The following CACNA1S variants were observed in gnomAD, a reference collection of about 807,000 sequenced individuals.
CACNA1S encodes voltage-dependent L-type calcium channel subunit alpha-1S.
CACNA1S carries 126 observed loss-of-function variants against 207.4 expected under a neutral mutation model. That is an observed-to-expected ratio of 0.61 (90% CI 0.53 to 0.70). CACNA1S has a LOEUF of 0.70. Ranked by LOEUF, CACNA1S falls within the 30% of genes least tolerant of loss-of-function variation. The pLI, the probability that CACNA1S is intolerant of heterozygous loss-of-function variation, is 0.00. For missense variants in CACNA1S, 2,349 were observed against 2,422.8 expected (o/e 0.97, Z 0.64); for synonymous variants, 960 against 932.7 (o/e 1.03, Z -0.53).
At chr1:201,075,720 G>T in intron 12 of CACNA1S, 105 bp from the exon 13 acceptor site, 1 of 1,285,112 alleles carries the variant, frequency 7.8e-7, no homozygotes, top group South Asian at 1.3e-5. Flanking sequence ...GGTTCTCTCA[G>T]ACCTTCCCTC....
At position 201,052,545 on chromosome 1, in the gene CACNA1S, G is replaced by A; in HGVS notation, c.3953+12C>T. Reference sequence around the variant, plus strand: ...CAGCGGGGTAGGGGTGGGGGTGGCGGGAGACGCGTGCCTGAAGAGCAGTAG... The same window carrying A: ...CAGCGGGGTAGGGGTGGGGGTGGCGAGAGACGCGTGCCTGAAGAGCAGTAG... On this transcript the variant is annotated intron_variant, in intron 32 of 43. Coordinates refer to ENST00000362061, the MANE Select transcript of CACNA1S (RefSeq NM_000069.3). The A allele has an allele frequency of 6.2e-7, 1 of 1,605,956 alleles. No individual in the cohort carries two copies. The highest frequency in any genetic ancestry group is 8.5e-7 in the Non-Finnish European group (1 of 1,172,702).
Position 201,047,603 on chromosome 1 carries a change from C to T in CACNA1S, c.4465G>A (p.Glu1489Lys). Reference sequence around the variant, plus strand: ...ATCTTCTTGATGATGGCCCTCAGCTCCTCGTTGGCCTGCTCAAAGTTACCT... The same window carrying T: ...ATCTTCTTGATGATGGCCCTCAGCTTCTCGTTGGCCTGCTCAAAGTTACCT... ...TEGNFEQANE[E>K]LRAIIKKIWK... Residue 1489 changes from glutamate (E) to lysine (K), a missense_variant, in exon 37 of 44, where the codon GAG (glutamate) becomes AAG (lysine). Transcript: ENST00000362061. The T allele has an allele frequency of 1.9e-6, 3 of 1,614,146 alleles. No homozygotes were observed. In the East Asian group the frequency reaches 6.7e-5, roughly 36 times the overall value.
rs1660135750 is a variant in CACNA1S, at chr1:201,040,662, C to T, written c.5186G>A (p.Arg1729Lys). Residue 1729 changes from arginine (R) to lysine (K), a missense_variant, in exon 42 of 44, where the codon AGG (arginine) becomes AAG (lysine). Coordinates refer to ENST00000362061, the MANE Select transcript of CACNA1S (RefSeq NM_000069.3). ...VEMLKGLLTQ[R>K]AMPRGQAPPA... ...AGGTGCCTGGCCTCTGGGCATTGCC[C>T]TCTGGGTCAGCAGTCCCTTCAGCAT... The T allele has an allele frequency of 6.2e-7, 1 of 1,613,968 alleles. No homozygotes were observed. The highest frequency in any genetic ancestry group is 8.5e-7 in the Non-Finnish European group (1 of 1,180,022).
At chr1:201,077,238 G>A (rs1661663132) in intron 11 of CACNA1S, 111 bp from the exon 12 acceptor site, 3 of 916,396 alleles carry the variant, frequency 3.3e-6, no homozygotes, top group Admixed American at 4.0e-5. Context: ...ACAGAGGGAG[G>A]GGGCTGCCTC....
intron 4 of CACNA1S, 75 bp downstream of exon 4, chr1:201,091,897 A>G (rs1662246908): frequency 1.2e-6 from 2 of 1,607,274 alleles, no homozygotes; most frequent in South Asian, 2.2e-5. Flanking sequence ...CAAGGTAGGA[A>G]GGGGACCCAG....
chr1:201,097,570 C>T (rs1662482640), intron 2 of CACNA1S, among the ~76,000 whole-genome samples: 1 of 152,198 alleles, frequency 6.6e-6, no homozygotes. Context: ...TCACTGTCCC[C>T]TATAACCCTG....
At chr1:201,092,254 C>A (rs1339331801) in intron 3 of CACNA1S, 140 bp from the exon 4 acceptor site, 3 of 793,280 alleles carry the variant, frequency 3.8e-6, no homozygotes, top group Non-Finnish European at 6.4e-6. Flanking sequence ...GGTGCATCAA[C>A]TAACAAATGA....
In CACNA1S at chr1:201,053,137, C is replaced by G. The variant is rs1660713443; in HGVS notation, c.3861+72G>C. On this transcript the variant is annotated intron_variant, in intron 31 of 43. Coordinates refer to ENST00000362061, the MANE Select transcript of CACNA1S (RefSeq NM_000069.3). This position sits in a 1 kb window ranked among gnomAD's most constrained non-coding sequence, Gnocchi z 5.1. The stretch of plus-strand genomic sequence containing the variant: ...TCCAGCCCGTGTGCTGCTCAGGCTC[C>G]TCAGGGTCCACTGATGCCCCCTCTA... 3 of 1,553,070 alleles carry G rather than the reference C, an allele frequency of 1.9e-6. No individual in the cohort carries two copies. The highest frequency in any genetic ancestry group is 1.7e-4 in the Middle Eastern group (1 of 5,954).
At chr1:201,091,503 A>G (rs1662231569) in intron 5 of CACNA1S, 137 bp downstream of exon 5, 1 of 983,460 alleles carries the variant, frequency 1.0e-6, no homozygotes, top group Non-Finnish European at 1.6e-6. Context: ...CCCCTTATCC[A>G]GGAGAAACCC....
intron 22 of CACNA1S, among the ~76,000 whole-genome samples, chr1:201,062,866 G>A (rs554796221): frequency 6.6e-4 from 101 of 152,336 alleles, no homozygotes; most frequent in Middle Eastern, 6.8e-3. Flanking sequence ...CCCCTCCCTC[G>A]GGGAGCTGAG....
Position 201,040,073 on chromosome 1 carries a change from G to T in CACNA1S, c.5380C>A (p.Arg1794=), listed in dbSNP as rs775764917. 1.2e-6 allele frequency: 2 copies of T among 1,614,184 alleles called. No homozygotes were observed. The highest frequency in any genetic ancestry group is 1.7e-6 in the Non-Finnish European group (2 of 1,180,024). Residue 1794 remains arginine, a synonymous_variant, in exon 44 of 44, where the codon CGA becomes AGA. Transcript: ENST00000362061. Reference sequence around the variant, plus strand: ...GCTGCCAAGGTGCCCAGGCCCCCTCGAACCAGAGCCTGCAGGGAGGAGAGT... The same window carrying T: ...GCTGCCAAGGTGCCCAGGCCCCCTCTAACCAGAGCCTGCAGGGAGGAGAGT... ...TALLIQKALV[R]GGLGTLAADA... is the part of the protein sequence containing the mutation.
intron 24 of CACNA1S, 118 bp downstream of exon 24, chr1:201,061,826 T>C (rs1661060004): frequency 8.5e-7 from 1 of 1,178,406 alleles, no homozygotes; most frequent in Non-Finnish European, 1.3e-6. Context: ...AGTTGGTGGG[T>C]TTGTTGGACG....
chr1:201,057,319 G>A (rs1660883190), intron 28 of CACNA1S, among the ~76,000 whole-genome samples: 1 of 152,074 alleles, frequency 6.6e-6, no homozygotes. Flanking sequence ...CAACACTCTG[G>A]CCCCCGTTCT....
chr1:201,071,723 C>G (rs796963003), intron 16 of CACNA1S, among the ~76,000 whole-genome samples: 8 of 152,286 alleles, frequency 5.3e-5, no homozygotes, highest in African/African-American at 1.9e-4. Flanking sequence ...TCACTGCCAT[C>G]TAAGAGGTGA....
intron 36 of CACNA1S, among the ~76,000 whole-genome samples, chr1:201,048,028 C>G (rs1660525363): frequency 6.6e-6 from 1 of 152,264 alleles, no homozygotes; most frequent in Non-Finnish European, 1.5e-5. Flanking sequence ...TAATGAAGCT[C>G]ACCCTGAGGT....
At position 201,083,316 on chromosome 1, in the gene CACNA1S, A is replaced by T. The variant is rs762629952; in HGVS notation, c.1239T>A (p.His413Gln). 4.3e-6 allele frequency: 7 copies of T among 1,614,046 alleles called. No individual in the cohort carries two copies. In the East Asian group the frequency reaches 1.3e-4, roughly 31 times the overall value. ...GAAAGATGCGGTTCCACTGCCTCCA[A>T]TGTCGGCTGAGGGAGGGGACAGAGG... is the stretch of plus-strand genomic sequence containing the variant. ...GLNKIIQFIR[H>Q]WRQWNRIFRW... The change falls in exon 10 of 44, where the codon CAT (histidine) becomes CAA (glutamine). Residue 413 changes from histidine to glutamine, a missense_variant. Physicochemically the swap from His to Gln is conservative, Grantham distance 24. Transcript: ENST00000362061.
chr1:201,040,127 A>C (rs1660081886), intron 43 of CACNA1S, 45 bp from the exon 44 acceptor site: 1 of 1,612,376 alleles, frequency 6.2e-7, no homozygotes, highest in Non-Finnish European at 8.5e-7. Context: ...CTGGGGAGCC[A>C]CATTTGGGGA....
intron 40 of CACNA1S, 115 bp downstream of exon 40, chr1:201,043,166 G>C: frequency 2.2e-6 from 3 of 1,386,478 alleles, no homozygotes; most frequent in Middle Eastern, 3.5e-4. Flanking sequence ...GGGGCACAAA[G>C]GCAAGCAAAA....
rs550695662 is a variant in CACNA1S at position 201,054,135 on chromosome 1, A to C, written c.3666+370T>G. On this transcript the variant is annotated intron_variant, in intron 29 of 43. Transcript: ENST00000362061. Reference sequence around the variant, plus strand: ...GCCTTAGATACACGAAATACTCTGGAAGGGGAGAGCTGCCCCTGCTCTGCT... The same window carrying C: ...GCCTTAGATACACGAAATACTCTGGCAGGGGAGAGCTGCCCCTGCTCTGCT... Among the ~76,000 whole-genome samples, 3 of 152,300 alleles carry C rather than the reference A, an allele frequency of 2.0e-5. No homozygotes were observed. The East Asian group carries it at 5.8e-4, about 29-fold the overall frequency.
Sources: allele counts gnomAD v4.1 joint callset (sites outside exome capture counted in the v4.1 genomes callset), GRCh38; gene constraint gnomAD v4.1.1; non-coding constraint Gnocchi (gnomAD v3.1); transcripts MANE v1.5; gene names NCBI Gene and HGNC (gene_info 2026-07-23, HGNC 2026-07-21).